The following ZNHIT6 variants were observed in gnomAD, a reference collection of about 807,000 sequenced individuals.
The protein encoded by ZNHIT6 is box C/D snoRNA protein 1.
Under a neutral mutation model 57.2 loss-of-function variants are expected in ZNHIT6, and 45 were observed. That is an observed-to-expected ratio of 0.79 (90% CI 0.62 to 1.01). The LOEUF is 1.01. Ranked by LOEUF, ZNHIT6 falls within the 50% of genes least tolerant of loss-of-function variation. The probability of loss-of-function intolerance (pLI) is 0.00; values close to 1 mark genes in which losing one functional copy is unlikely to be tolerated. For synonymous variants in ZNHIT6, 188 were observed against 190.0 expected, an observed-to-expected ratio of 0.99 and a Z score of 0.09; for missense variants, 528 against 567.3, an observed-to-expected ratio of 0.93 and a Z score of 0.70.
At chr1:85,659,037 GT>G (rs1661151381) in intron 8 of ZNHIT6, among the ~76,000 whole-genome samples, 3 of 152,026 alleles carry the variant, frequency 2.0e-5, no homozygotes, top group Admixed American at 6.6e-5. Flanking sequence ...AAAATAACTG[GT>G]TACAAAATTG....
chr1:85,703,393 T>TA (rs1234469689), intron 4 of ZNHIT6, among the ~76,000 whole-genome samples: 2 of 152,066 alleles, frequency 1.3e-5, no homozygotes, highest in Non-Finnish European at 2.9e-5. Context: ...CAAGTTTCAG[T>TA]AAAAAACCAC....
Position 85,708,421 on chromosome 1 carries a change from G to A in ZNHIT6, c.-137C>T. On this transcript the variant is annotated 5_prime_UTR_variant, in exon 1 of 10. Transcript: ENST00000370574. ...AGCAGCCACAAACCCGGAATAGCCT[G>A]CTTGACGCGACTGCTCGAATCGCCG... The A allele has an allele frequency of 1.8e-6, 2 of 1,111,088 alleles. No homozygotes were observed. The highest frequency in any genetic ancestry group is 2.8e-5 in the Admixed American group (1 of 36,346). The allele number at this position is 1,111,088 out of a possible 1,614,324, so 68.8% of individuals were successfully genotyped here.
At chr1:85,683,775 A>G (rs143772998) in intron 5 of ZNHIT6, among the ~76,000 whole-genome samples, 18 of 152,290 alleles carry the variant, frequency 1.2e-4, no homozygotes, top group African/African-American at 4.3e-4. Context: ...AAGAAGTACA[A>G]TCACTAAGAC....
intron 5 of ZNHIT6, among the ~76,000 whole-genome samples, chr1:85,687,309 A>AAAAAAAAAAAAAAAAT (rs1662089231): frequency 6.9e-6 from 1 of 143,926 alleles, no homozygotes; most frequent in Non-Finnish European, 1.5e-5. Flanking sequence ...CAAAAAAAAA[A>AAAAAAAAAAAAAAAAT]AACAATTTAG....
intron 8 of ZNHIT6, among the ~76,000 whole-genome samples, chr1:85,667,852 T>G (rs1661414670): frequency 6.7e-6 from 1 of 148,650 alleles, no homozygotes; most frequent in Admixed American, 6.8e-5. Flanking sequence ...GAGAATTGCT[T>G]GAATCCAAAA....
rs1285480769 is a variant in ZNHIT6, at chr1:85,649,535, C to T, written c.*4523G>A. On this transcript the variant is annotated 3_prime_UTR_variant, in exon 10 of 10. Coordinates refer to ENST00000370574, the MANE Select transcript of ZNHIT6 (RefSeq NM_017953.4). ...TCTAAAGTTCAAAATGAGTACAGTA[C>T]ATCACACTCCAGTATGGAAAATGTT... is the stretch of plus-strand genomic sequence containing the variant. 6.6e-6 allele frequency: 1 copy of T among 152,158 alleles called. No individual in the cohort carries two copies. The highest frequency in any genetic ancestry group is 1.5e-5 in the Non-Finnish European group (1 of 68,030). 9.4% of individuals were successfully genotyped at this position (152,158 alleles called of 1,614,324 possible).
chr1:85,670,259 T>C (rs1265791206), intron 8 of ZNHIT6, among the ~76,000 whole-genome samples: 1 of 152,176 alleles, frequency 6.6e-6, no homozygotes, highest in Non-Finnish European at 1.5e-5. Context: ...TGTCCATTCG[T>C]TTAAGTGGTC....
At chr1:85,657,763 CAT>C (rs1661101148) in intron 9 of ZNHIT6, 82 bp downstream of exon 9, 3 of 1,328,848 alleles carry the variant, frequency 2.3e-6, no homozygotes, top group Non-Finnish European at 3.1e-6. Context: ...TGGGAAAACA[CAT>C]ATAAAGAAAT....
chr1:85,674,583 C>T (rs74441245), intron 8 of ZNHIT6, among the ~76,000 whole-genome samples: 5,516 of 152,288 alleles, frequency 0.036, 117 homozygotes, highest in Middle Eastern at 0.082. Context: ...ATCAATTCCA[C>T]GTAATTCATG....
At chr1:85,694,608 C>G (rs1662312688) in intron 5 of ZNHIT6, among the ~76,000 whole-genome samples, 1 of 152,144 alleles carries the variant, frequency 6.6e-6, no homozygotes, top group South Asian at 2.1e-4. Flanking sequence ...ATTACAGGCG[C>G]ACGCCTCCAC....
At chr1:85,679,815 C>G (rs1434595470) in intron 6 of ZNHIT6, among the ~76,000 whole-genome samples, 1 of 152,116 alleles carries the variant, frequency 6.6e-6, no homozygotes, top group African/African-American at 2.4e-5. Flanking sequence ...TAACTCCTGG[C>G]CAAAGGCAAT....
intron 9 of ZNHIT6, among the ~76,000 whole-genome samples, chr1:85,655,137 C>A (rs1397858496): frequency 1.3e-5 from 2 of 152,306 alleles, no homozygotes; most frequent in East Asian, 3.9e-4. Flanking sequence ...ATTTTATGAA[C>A]TTTAGCAGTC....
In ZNHIT6 at chr1:85,708,084, C is replaced by G; in HGVS notation, c.201G>C (p.Arg67Ser). ...TTAGGTCCATCGGTATTTCCTCTGG[C>G]CTTTGTCCACTTCCTTCCTCTCCAT... Reference protein sequence around the residue: ...IGDGEEGSGQRPEEIPMDLTV... With the variant: ...IGDGEEGSGQSPEEIPMDLTV... The change falls in exon 1 of 10, where the codon AGG (arginine) becomes AGC (serine). Residue 67 changes from arginine to serine, a missense_variant. Transcript: ENST00000370574. 1 of 1,614,070 alleles carries G rather than the reference C, an allele frequency of 6.2e-7. No homozygotes were observed. Among genetic ancestry groups the G allele is most frequent in the Non-Finnish European group, 8.5e-7 (1 of 1,180,010 alleles).
rs147696954 is a variant in ZNHIT6 at position 85,660,589 on chromosome 1, T to C, written c.1248-2618A>G. ...TAGCAGAGGAATGTTCAGAGGTACA[T>C]AAAAATTACTATGCAACAAGTTAAA... On this transcript the variant is annotated intron_variant, in intron 8 of 9. Transcript: ENST00000370574. Among the ~76,000 whole-genome samples, 200 of 152,192 alleles carry C rather than the reference T, an allele frequency of 1.3e-3. 1 individual carries two copies. The Middle Eastern group carries it at 0.037, about 28-fold the overall frequency.
chr1:85,658,581 AT>A (rs1278517654), intron 8 of ZNHIT6, among the ~76,000 whole-genome samples: 5 of 151,324 alleles, frequency 3.3e-5, no homozygotes, highest in African/African-American at 1.2e-4. Flanking sequence ...CTTATATAAT[AT>A]TTATGTTGGC....
chr1:85,690,216 T>G (rs1317356855), intron 5 of ZNHIT6, among the ~76,000 whole-genome samples: 1 of 152,036 alleles, frequency 6.6e-6, no homozygotes, highest in Non-Finnish European at 1.5e-5. Context: ...AACAGGAAGA[T>G]TTCCTGCTCA....
rs569070966 is a variant in ZNHIT6, at chr1:85,651,272, C to T, written c.*2786G>A. The T allele has an allele frequency of 4.0e-5, 6 of 151,734 alleles. No homozygotes were observed. Among genetic ancestry groups the T allele is most frequent in the Non-Finnish European group, 7.4e-5 (5 of 67,944 alleles). 9.4% of individuals were successfully genotyped at this position (151,734 alleles called of 1,614,324 possible). The stretch of plus-strand genomic sequence containing the variant: ...TTGAGGCAGAGTCTCATTCTGTCAC[C>T]CAGGCAGTGCCCAGGAATGCAGTGG... On this transcript the variant is annotated 3_prime_UTR_variant, in exon 10 of 10. Transcript: ENST00000370574.
chr1:85,656,721 G>T (rs1661069665), intron 9 of ZNHIT6, among the ~76,000 whole-genome samples: 1 of 152,000 alleles, frequency 6.6e-6, no homozygotes, highest in Non-Finnish European at 1.5e-5. Flanking sequence ...ATAAAAATAA[G>T]ATTTAGAGGC....
At chr1:85,662,966 T>C (rs1011023303) in intron 8 of ZNHIT6, among the ~76,000 whole-genome samples, 7 of 152,220 alleles carry the variant, frequency 4.6e-5, no homozygotes, top group Admixed American at 4.6e-4. Context: ...GTTCTAGATA[T>C]TATTTCTTTG....
Sources: allele counts gnomAD v4.1 joint callset (sites outside exome capture counted in the v4.1 genomes callset), GRCh38; gene constraint gnomAD v4.1.1; transcripts MANE v1.5; gene names NCBI Gene and HGNC (gene_info 2026-07-23, HGNC 2026-07-21).